CR1: variants seen among roughly 807,000 people sequenced by gnomAD.
CR1 encodes the protein complement C3b/C4b receptor 1 (Knops blood group), also known as complement receptor type 1.
Under a neutral mutation model 187.3 loss-of-function variants are expected in CR1, and 116 were observed. The ratio of observed to expected loss-of-function variants is 0.62; its 90% CI spans 0.53 to 0.72. The LOEUF (loss-of-function observed/expected upper bound fraction) is 0.72, where lower values mean the gene tolerates loss of function less well. Among genes scored for constraint, CR1 ranks in the 30% least tolerant of loss-of-function variants. CR1 has a pLI of 0.00. For missense variants in CR1, 1,731 were observed against 2,110.7 expected, an observed-to-expected ratio of 0.82 and a Z score of 3.52; for synonymous variants, 576 against 747.1, an observed-to-expected ratio of 0.77 and a Z score of 3.73.
chr1:207,607,319 A>T lies in CR1; in HGVS notation c.5879A>T (p.Lys1960Met). Reference protein sequence around the residue: ...VSGNNVTWDKKAPICEIISCE... With the variant: ...VSGNNVTWDKMAPICEIISCE... Reference sequence around the variant, plus strand: ...GGCAATAATGTCACATGGGATAAGAAGGCACCTATTTGTGAGAGTAAGTTG... The same window carrying T: ...GGCAATAATGTCACATGGGATAAGATGGCACCTATTTGTGAGAGTAAGTTG... The change falls in exon 36 of 47, where the codon AAG becomes ATG. Residue 1960 changes from lysine (K) to methionine (M), a missense_variant. Physicochemically the swap from Lys to Met is moderately conservative, Grantham distance 95. Transcript: ENST00000367049. 6.2e-7 allele frequency: 1 copy of T among 1,612,788 alleles called. No individual in the cohort carries two copies. Among genetic ancestry groups the T allele is most frequent in the East Asian group, 2.2e-5 (1 of 44,856 alleles).
Position 207,496,269 on chromosome 1 carries a change from T to TG in CR1, c.7dup (p.Ala3?). 1.2e-6 allele frequency: 2 copies of TG among 1,613,780 alleles called. No homozygotes were observed. The highest frequency in any genetic ancestry group is 1.7e-6 in the Non-Finnish European group (2 of 1,179,806). On this transcript the variant is annotated frameshift_variant and start_lost, in exon 1 of 47. Transcript: ENST00000367049. LOFTEE classifies it high-confidence loss of function. ...GGTTTGTAGATGTGCTTGGGGAGAA[T>TG]GGGGGCCTCTTCTCCAAGAAGCCCG... is the stretch of plus-strand genomic sequence containing the variant.
chr1:207,588,275 T>C (rs1184437877), intron 34 of CR1, among the ~76,000 whole-genome samples: 1 of 152,148 alleles, frequency 6.6e-6, no homozygotes, highest in East Asian at 1.9e-4. Flanking sequence ...TTCGAGCAAG[T>C]CTCCCTGCCT....
intron 34 of CR1, among the ~76,000 whole-genome samples, chr1:207,587,855 AC>A (rs1179993305): frequency 6.6e-6 from 1 of 152,332 alleles, no homozygotes; most frequent in East Asian, 1.9e-4. Flanking sequence ...CTTGTACATC[AC>A]CCCTTCTTCT....
At chr1:207,625,327 CAGAA>C (rs1479000997) in intron 45 of CR1, among the ~76,000 whole-genome samples, 3 of 152,114 alleles carry the variant, frequency 2.0e-5, no homozygotes, top group African/African-American at 7.2e-5. Context: ...AGAAATGTGG[CAGAA>C]AGAAAGATCA....
intron 45 of CR1, among the ~76,000 whole-genome samples, chr1:207,627,802 G>T (rs573878632): frequency 7.9e-5 from 12 of 152,160 alleles, no homozygotes; most frequent in Non-Finnish European, 1.6e-4. Flanking sequence ...GTTCTAGTGG[G>T]TAGAGAGTCC....
chr1:207,609,916 A>G (rs962733923), intron 37 of CR1, among the ~76,000 whole-genome samples: 12 of 152,238 alleles, frequency 7.9e-5, no homozygotes, highest in Non-Finnish European at 1.8e-4. Context: ...TACAGCAAAT[A>G]TATGAAGTAG....
intron 13 of CR1, among the ~76,000 whole-genome samples, chr1:207,544,562 ATG>A (rs924174916): frequency 1.4e-5 from 1 of 71,860 alleles, no homozygotes; most frequent in Non-Finnish European, 2.6e-5. Context: ...TGAGATCCAA[ATG>A]TGTTTTGATT....
chr1:207,501,761 A>G (rs1659276591), intron 1 of CR1, among the ~76,000 whole-genome samples: 1 of 152,184 alleles, frequency 6.6e-6, no homozygotes, highest in African/African-American at 2.4e-5. Flanking sequence ...ACCCTCTCTC[A>G]ATACAGCTTT....
intron 37 of CR1, among the ~76,000 whole-genome samples, chr1:207,610,492 C>A (rs1478854548): frequency 1.3e-5 from 2 of 152,036 alleles, no homozygotes; most frequent in East Asian, 3.9e-4. Context: ...ACTACCACAC[C>A]TGGCTAATTT....
rs899715184 is a variant in CR1, at chr1:207,609,402, T to C, written c.6009T>C (p.Asp2003=). The C allele has an allele frequency of 6.2e-7, 1 of 1,613,962 alleles. No homozygotes were observed. ...VVTYQCHTGP[D]GEQLFELVGE... is the part of the protein sequence containing the mutation. ...CTTACCAGTGCCACACTGGACCAGA[T>C]GGAGAACAGCTGTTTGAGCTTGTGG... Residue 2003 remains aspartate, a synonymous_variant, in exon 37 of 47, where the codon GAT becomes GAC. Coordinates refer to ENST00000367049, the MANE Select transcript of CR1 (RefSeq NM_000651.6).
intron 1 of CR1, 32 bp downstream of exon 1, chr1:207,496,420 G>A (rs1488683790): frequency 2.5e-6 from 4 of 1,577,814 alleles, no homozygotes; most frequent in South Asian, 1.1e-5. Flanking sequence ...GGAGGCGCCC[G>A]GGCGGACGAG....
intron 35 of CR1, among the ~76,000 whole-genome samples, chr1:207,597,783 G>A (rs1398924958): frequency 6.6e-6 from 1 of 152,202 alleles, no homozygotes; most frequent in Non-Finnish European, 1.5e-5. Context: ...GACTGAAGCA[G>A]ATGCTCAAAT....
chr1:207,581,260 A>ATAC (rs1660935428), intron 31 of CR1, among the ~76,000 whole-genome samples: 7 of 151,254 alleles, frequency 4.6e-5, no homozygotes, highest in African/African-American at 1.7e-4. Context: ...ACGTATATGT[A>ATAC]GACGTATACA....
intron 4 of CR1, among the ~76,000 whole-genome samples, chr1:207,513,527 G>A (rs868856072): frequency 6.6e-6 from 1 of 152,176 alleles, no homozygotes; most frequent in Non-Finnish European, 1.5e-5. Context: ...CTTTCAGAGT[G>A]GAATGGCTGT....
At chr1:207,599,114 C>T (rs768124336) in intron 35 of CR1, 6 of 151,748 alleles carry the variant, frequency 4.0e-5, no homozygotes, top group Non-Finnish European at 8.8e-5. Context: ...TAGGTAAAAC[C>T]GAGAGAAAGT....
At chr1:207,602,539 C>T (rs1661634959) in intron 35 of CR1, among the ~76,000 whole-genome samples, 1 of 151,714 alleles carries the variant, frequency 6.6e-6, no homozygotes, top group Admixed American at 6.6e-5. Flanking sequence ...TCTCTAATGC[C>T]AAAAAACACA....
chr1:207,622,005 T>A lies in CR1; in HGVS notation c.7276+9T>A. 1 of 1,594,286 alleles carries A rather than the reference T, an allele frequency of 6.3e-7. No homozygotes were observed. Among genetic ancestry groups the A allele is most frequent in the Non-Finnish European group, 8.6e-7 (1 of 1,168,356 alleles). On this transcript the variant is annotated intron_variant, in intron 44 of 46. Coordinates refer to ENST00000367049, the MANE Select transcript of CR1 (RefSeq NM_000651.6). ...TGATGCTCTCATAGTTGGTAAGTTTTATGAAAGTTTTGCTGAGGAATTCTG... is the reference window on the plus strand; with the variant it reads ...TGATGCTCTCATAGTTGGTAAGTTTAATGAAAGTTTTGCTGAGGAATTCTG...
intron 35 of CR1, among the ~76,000 whole-genome samples, chr1:207,591,326 C>T (rs1031395022): frequency 1.3e-5 from 2 of 152,164 alleles, no homozygotes; most frequent in South Asian, 4.1e-4. Flanking sequence ...TACATGGAAA[C>T]TGAACAGCCT....
chr1:207,623,911 CTT>C lies in CR1; in HGVS notation c.7352+874_7352+875del, dbSNP rs71154830. ...ACAAATATTTTGTAAACACCATTAACTTTTTTTTTTTTTTTTTTTTTTTTTTT... is the reference window on the plus strand; with the variant it reads ...ACAAATATTTTGTAAACACCATTAACTTTTTTTTTTTTTTTTTTTTTTTTT... On this transcript the variant is annotated intron_variant, in intron 45 of 46. Coordinates refer to ENST00000367049, the MANE Select transcript of CR1 (RefSeq NM_000651.6). Among the ~76,000 whole-genome samples, 95 of 52,458 alleles carry C rather than the reference CTT, an allele frequency of 1.8e-3. 2 individuals are homozygous for C. The highest frequency in any genetic ancestry group is 5.7e-3 in the African/African-American group (80 of 14,048). The allele number at this position is 52,458 out of a possible 152,430, so 34.4% of individuals were successfully genotyped here.
Sources: gnomAD v4.1 joint callset for allele counts (sites outside exome capture counted in the v4.1 genomes callset) on GRCh38, gnomAD v4.1.1 for gene constraint, MANE v1.5 for transcripts, NCBI Gene and HGNC (gene_info 2026-07-23, HGNC 2026-07-21) for gene names.